Variants in ZCCHC7 observed in about 807,000 individuals in gnomAD.
ZCCHC7 encodes zinc finger CCHC domain-containing protein 7.
ZCCHC7 carries 35 observed loss-of-function variants against 52.0 expected under a neutral mutation model. The observed-to-expected ratio is 0.67, with a 90% CI of 0.51 to 0.89. The LOEUF (loss-of-function observed/expected upper bound fraction) is 0.89, where lower values mean the gene tolerates loss of function less well. Ranked by LOEUF, ZCCHC7 falls within the 40% of genes least tolerant of loss-of-function variation. The pLI is 0.00. For missense variants in ZCCHC7, 574 were observed against 649.1 expected, an observed-to-expected ratio of 0.88 and a Z score of 1.26; for synonymous variants, 217 against 221.5, an observed-to-expected ratio of 0.98 and a Z score of 0.18.
intron 7 of ZCCHC7, among the ~76,000 whole-genome samples, chr9:37,352,899 C>T (rs1316155750): frequency 6.6e-6 from 1 of 151,974 alleles, no homozygotes; most frequent in Admixed American, 6.6e-5. Context: ...AAAAAACAAT[C>T]TAAATAATCC....
At chr9:37,173,381 G>A (rs1006537633) in intron 2 of ZCCHC7, among the ~76,000 whole-genome samples, 2 of 152,132 alleles carry the variant, frequency 1.3e-5, no homozygotes, top group African/African-American at 4.8e-5. Context: ...TGTTCATATA[G>A]CATTTTATCT....
chr9:37,282,407 A>G (rs1376977585), intron 2 of ZCCHC7, among the ~76,000 whole-genome samples: 1 of 152,086 alleles, frequency 6.6e-6, no homozygotes, highest in Admixed American at 6.5e-5. Context: ...GATCAAGACC[A>G]TCCTGGCTAA....
chr9:37,199,507 A>G (rs906345158), intron 2 of ZCCHC7, among the ~76,000 whole-genome samples: 45 of 149,856 alleles, frequency 3.0e-4, no homozygotes, highest in Admixed American at 8.0e-4. Context: ...AATTTTTTGT[A>G]ATTTTACTAG....
intron 5 of ZCCHC7, among the ~76,000 whole-genome samples, chr9:37,319,157 C>T (rs961501674): frequency 3.0e-4 from 29 of 97,456 alleles, no homozygotes; most frequent in South Asian, 1.5e-3. Context: ...CTTTCATGCA[C>T]GCACTTATCA....
chr9:37,179,325 A>C (rs1389790277), intron 2 of ZCCHC7, among the ~76,000 whole-genome samples: 1 of 152,140 alleles, frequency 6.6e-6, no homozygotes, highest in Non-Finnish European at 1.5e-5. Context: ...GCAGTGGGTG[A>C]ACAATACCCT....
chr9:37,298,416 T>G (rs1828885070), intron 2 of ZCCHC7, among the ~76,000 whole-genome samples: 1 of 152,322 alleles, frequency 6.6e-6, no homozygotes, highest in Middle Eastern at 3.4e-3. Flanking sequence ...AAACAAATTG[T>G]TATATCCATA....
intron 2 of ZCCHC7, among the ~76,000 whole-genome samples, chr9:37,208,476 A>G (rs1232807013): frequency 6.6e-6 from 1 of 152,212 alleles, no homozygotes; most frequent in Non-Finnish European, 1.5e-5. Context: ...TGCTTCAGCA[A>G]AAAGAAGGGT....
chr9:37,246,785 G>A (rs540615438), intron 2 of ZCCHC7, among the ~76,000 whole-genome samples: 30 of 152,242 alleles, frequency 2.0e-4, no homozygotes, highest in African/African-American at 7.0e-4. Context: ...GGTTCTACAG[G>A]ACTGATTGCA....
chr9:37,358,123 AAG>A lies in ZCCHC7; in HGVS notation c.*857_*858del. 6.6e-6 allele frequency: 1 copy of A among 152,318 alleles called. No homozygotes were observed. Among genetic ancestry groups the A allele is most frequent in the East Asian group, 1.9e-4 (1 of 5,192 alleles). The allele number at this position is 152,318 out of a possible 1,614,324, so 9.4% of individuals were successfully genotyped here. On this transcript the variant is annotated 3_prime_UTR_variant, in exon 9 of 9. Transcript: ENST00000336755. ...ACTTCTCATAACCTAATGTCAGACT[AAG>A]AAAAATAAAATATCTGAGAGTAAAT...
intron 2 of ZCCHC7, among the ~76,000 whole-genome samples, chr9:37,218,167 C>G (rs1010855434): frequency 1.3e-5 from 2 of 152,042 alleles, no homozygotes; most frequent in Admixed American, 1.3e-4. Context: ...CGTGACAGTT[C>G]TGGAATTTTG....
chr9:37,270,366 C>T (rs929247418), intron 2 of ZCCHC7, among the ~76,000 whole-genome samples: 14 of 152,052 alleles, frequency 9.2e-5, no homozygotes, highest in African/African-American at 3.4e-4. Context: ...CTCAGATACA[C>T]TACATACACA....
chr9:37,300,396 T>G (rs1398847930), intron 2 of ZCCHC7, among the ~76,000 whole-genome samples: 1 of 152,226 alleles, frequency 6.6e-6, no homozygotes, highest in Non-Finnish European at 1.5e-5. Context: ...ATCCTTTGAA[T>G]GAAAGAATAA....
intron 2 of ZCCHC7, among the ~76,000 whole-genome samples, chr9:37,259,534 A>G (rs1826763387): frequency 6.6e-6 from 1 of 152,200 alleles, no homozygotes; most frequent in Non-Finnish European, 1.5e-5. Context: ...CCTTGTACTG[A>G]TGCCACTGTT....
chr9:37,299,710 T>C (rs1305648222), intron 2 of ZCCHC7, among the ~76,000 whole-genome samples: 2 of 152,250 alleles, frequency 1.3e-5, no homozygotes, highest in African/African-American at 4.8e-5. Context: ...AATTGCCTTA[T>C]GTGTTCCTGG....
At chr9:37,296,678 C>A (rs999137144) in intron 2 of ZCCHC7, among the ~76,000 whole-genome samples, 2 of 151,976 alleles carry the variant, frequency 1.3e-5, no homozygotes, top group African/African-American at 4.8e-5. Context: ...GCTAACAGAC[C>A]TACACACTTA....
At position 37,129,996 on chromosome 9, in the gene ZCCHC7, TGA is replaced by T. The variant is rs559684796; in HGVS notation, c.610+3058_610+3059del. ...GCTCACGCCTGTAATCCCAACACTT[TGA>T]GAGGCCGAGGCGGGTGGATCACCTG... On this transcript the variant is annotated intron_variant, in intron 2 of 8. Transcript: ENST00000336755. Among the ~76,000 whole-genome samples the T allele has an allele frequency of 4.2e-3, 644 of 152,274 alleles. 4 individuals are homozygous for T. Among genetic ancestry groups the T allele is most frequent in the African/African-American group, 0.015 (604 of 41,552 alleles).
intron 7 of ZCCHC7, among the ~76,000 whole-genome samples, chr9:37,352,956 G>C (rs570620155): frequency 6.6e-6 from 1 of 152,052 alleles, no homozygotes; most frequent in Non-Finnish European, 1.5e-5. Context: ...GGATGGAAAT[G>C]ATAAAGATTA....
At chr9:37,350,881 A>G (rs78484650) in intron 7 of ZCCHC7, among the ~76,000 whole-genome samples, 2 of 152,224 alleles carry the variant, frequency 1.3e-5, no homozygotes, top group African/African-American at 4.8e-5. Context: ...GTAGGCTTCT[A>G]GTAGCCTAGA....
chr9:37,233,191 A>G (rs1588522765), intron 2 of ZCCHC7, among the ~76,000 whole-genome samples: 1 of 152,336 alleles, frequency 6.6e-6, no homozygotes, highest in East Asian at 1.9e-4. Context: ...TTTATTTAAT[A>G]AGCCATACCC....
Sources: allele counts gnomAD v4.1 joint callset (sites outside exome capture counted in the v4.1 genomes callset), GRCh38; gene constraint gnomAD v4.1.1; transcripts MANE v1.5; gene names NCBI Gene and HGNC (gene_info 2026-07-23, HGNC 2026-07-21).